Variants in CLIC5 observed in about 807,000 individuals in gnomAD.
The protein encoded by CLIC5 is CLIC family member 5, also known as chloride intracellular channel protein 5.
Under a neutral mutation model 24.7 loss-of-function variants are expected in CLIC5, and 20 were observed. The observed-to-expected ratio is 0.81, with a 90% CI of 0.57 to 1.18. CLIC5 has a LOEUF of 1.18. Ranked by LOEUF, CLIC5 falls within the 50% of genes most tolerant of loss-of-function variation. The pLI is 0.00. For synonymous variants in CLIC5, 159 were observed against 135.6 expected (o/e 1.17, Z -1.20); for missense variants, 341 against 326.1 (o/e 1.05, Z -0.35).
chr6:46,106,926 C>G, the CLIC5 span, among the ~76,000 whole-genome samples: 4 of 152,184 alleles, frequency 2.6e-5, no homozygotes, highest in Non-Finnish European at 5.9e-5. Flanking sequence ...TTTTAATGGT[C>G]TCATGACTAA....
At chr6:45,996,229 G>C (rs149122647) in intron 1 of CLIC5, among the ~76,000 whole-genome samples, 1 of 152,248 alleles carries the variant, frequency 6.6e-6, no homozygotes, top group African/African-American at 2.4e-5. Flanking sequence ...GGGTTAGAAA[G>C]CCAGTTCTTG....
At chr6:45,930,737 C>T (rs1270061401) in intron 4 of CLIC5, among the ~76,000 whole-genome samples, 1 of 152,196 alleles carries the variant, frequency 6.6e-6, no homozygotes, top group Non-Finnish European at 1.5e-5. Flanking sequence ...GCAACAGCAG[C>T]AGCAATAGCT....
intron 4 of CLIC5, among the ~76,000 whole-genome samples, chr6:45,926,885 T>C (rs550108102): frequency 3.3e-5 from 5 of 152,332 alleles, no homozygotes; most frequent in African/African-American, 9.6e-5. Context: ...TGAAGCTTGA[T>C]ATCATATAAC....
At chr6:45,965,915 A>C (rs1003180414) in intron 1 of CLIC5, among the ~76,000 whole-genome samples, 16 of 152,294 alleles carry the variant, frequency 1.1e-4, no homozygotes, top group Admixed American at 6.5e-4. Flanking sequence ...CCAAACAAGG[A>C]TATCTTGATA....
chr6:45,890,474 T>A (rs13206146), intron 6 of CLIC5, among the ~76,000 whole-genome samples: 12,508 of 152,206 alleles, frequency 0.082, 705 homozygotes, highest in African/African-American at 0.16. Flanking sequence ...GTATTGTAAA[T>A]GAGCACAGCC....
chr6:45,969,529 C>T (rs1024017899), intron 1 of CLIC5, among the ~76,000 whole-genome samples: 1 of 149,930 alleles, frequency 6.7e-6, no homozygotes, highest in Non-Finnish European at 1.5e-5. Flanking sequence ...TTTCCAAGGC[C>T]ACATAGACGA....
chr6:45,959,847 C>T (rs1764789650), intron 1 of CLIC5, among the ~76,000 whole-genome samples: 1 of 152,154 alleles, frequency 6.6e-6, no homozygotes, highest in Non-Finnish European at 1.5e-5. Context: ...GTTTAGAAGA[C>T]ATGTATGCAA....
intron 1 of CLIC5, among the ~76,000 whole-genome samples, chr6:45,992,054 C>T (rs961298500): frequency 2.6e-5 from 4 of 152,094 alleles, no homozygotes; most frequent in Admixed American, 2.0e-4. Context: ...TAAAGGGCAG[C>T]GATGGAAGAG....
At position 45,939,283 on chromosome 6, in the gene CLIC5, G is replaced by A. The variant is rs113008025; in HGVS notation, c.406+2264C>T. The stretch of plus-strand genomic sequence containing the variant: ...GTTGCCCAGGCAACAGTGTGATCTC[G>A]GCTCATTGCAACCTTCGCCTCCTGG... On this transcript the variant is annotated intron_variant, in intron 4 of 5. Coordinates refer to ENST00000339561, the MANE Select transcript of CLIC5 (RefSeq NM_016929.5). 5.7e-4 allele frequency among the ~76,000 whole-genome samples: 80 copies of A among 139,358 alleles called. 2 individuals carry two copies. The highest frequency in any genetic ancestry group is 2.1e-3 in the African/African-American group (76 of 36,264). 91.4% of individuals were successfully genotyped at this position (139,358 alleles called of 152,430 possible). A position where few individuals can be genotyped will look rare whatever the true frequency, so the allele number is the denominator to read the frequency against.
intron 5 of CLIC5, among the ~76,000 whole-genome samples, chr6:45,905,379 G>A (rs1762629347): frequency 6.6e-6 from 1 of 151,528 alleles, no homozygotes; most frequent in Admixed American, 6.6e-5. Context: ...ACCAACATCT[G>A]TTGCTTTTTG....
At chr6:46,015,356 G>T in intron 1 of CLIC5, 124 bp downstream of exon 1, 3 of 978,880 alleles carry the variant, frequency 3.1e-6, no homozygotes, top group South Asian at 2.4e-5. Context: ...GAAAGGCCAC[G>T]GGGGAGCACA....
rs565841775 is a variant in CLIC5 at position 45,993,165 on chromosome 6, G to A, written c.63+22315C>T. On this transcript the variant is annotated intron_variant, in intron 1 of 5. Coordinates refer to ENST00000339561, the MANE Select transcript of CLIC5 (RefSeq NM_016929.5). The stretch of plus-strand genomic sequence containing the variant: ...CCTGTTTTCCAAATCTTCAGAGATG[G>A]GGGAGATTTTATAAGGCCATATGAG... 2.9e-4 allele frequency among the ~76,000 whole-genome samples: 44 copies of A among 152,288 alleles called. 2 individuals carry two copies. In the South Asian group the frequency reaches 8.5e-3, roughly 29 times the overall value.
chr6:46,059,271 A>G (rs1762170422), intron 1 of CLIC5, among the ~76,000 whole-genome samples: 1 of 152,236 alleles, frequency 6.6e-6, no homozygotes, highest in East Asian at 1.9e-4. Context: ...CTGTCTTAGC[A>G]CTGTCAAGAC....
rs1762493260 is a variant in CLIC5 at position 45,900,887 on chromosome 6, C to A, written c.*2201G>T. ...TTTCCAGTTGCTGAATTCTGAACAT[C>A]CAATCCGAGTCCTTGGAATTCTGCA... On this transcript the variant is annotated 3_prime_UTR_variant, in exon 6 of 6. Transcript: ENST00000339561. 1 of 152,166 alleles carries A rather than the reference C, an allele frequency of 6.6e-6. No homozygotes were observed. The highest frequency in any genetic ancestry group is 1.5e-5 in the Non-Finnish European group (1 of 68,040). 9.4% of individuals were successfully genotyped at this position (152,166 alleles called of 1,614,324 possible).
chr6:46,114,477 C>T, the CLIC5 span, among the ~76,000 whole-genome samples: 14,724 of 152,216 alleles, frequency 0.097, 831 homozygotes, highest in East Asian at 0.16. Flanking sequence ...CAGCATGTAT[C>T]TAGCTACATT....
intron 4 of CLIC5, chr6:45,920,055 G>T: frequency 1.9e-6 from 1 of 534,942 alleles, no homozygotes; most frequent in Non-Finnish European, 2.4e-6. Flanking sequence ...GGCCTGACAG[G>T]TGCTGCAAAA....
chr6:46,108,243 T>C, the CLIC5 span, among the ~76,000 whole-genome samples: 117 of 152,240 alleles, frequency 7.7e-4, no homozygotes, highest in Middle Eastern at 3.4e-3. Context: ...AATTTGACTT[T>C]CTTTTTAGAA....
chr6:46,069,437 T>C (rs2127473940), intron 1 of CLIC5, among the ~76,000 whole-genome samples: 1 of 152,192 alleles, frequency 6.6e-6, no homozygotes, highest in East Asian at 1.9e-4. Context: ...AACACCCCTA[T>C]GCACACAAAT....
the CLIC5 span, among the ~76,000 whole-genome samples, chr6:46,092,490 T>A: frequency 1.3e-5 from 2 of 152,224 alleles, 1 homozygote; most frequent in African/African-American, 4.8e-5. Context: ...CTGCCCTGAT[T>A]CTACCTAAGT....
Sources: gnomAD v4.1 joint callset for allele counts (sites outside exome capture counted in the v4.1 genomes callset) on GRCh38, gnomAD v4.1.1 for gene constraint, MANE v1.5 for transcripts, NCBI Gene and HGNC (gene_info 2026-07-23, HGNC 2026-07-21) for gene names.